CDK6: variants seen among roughly 807,000 people sequenced by gnomAD.
The protein encoded by CDK6 is cyclin-dependent kinase 6.
A neutral mutation model predicts 37.1 loss-of-function variants in CDK6; 6 were observed. The ratio of observed to expected loss-of-function variants is 0.16; its 90% CI spans 0.09 to 0.32. The LOEUF (loss-of-function observed/expected upper bound fraction) is 0.32, where lower values mean the gene tolerates loss of function less well. Among genes scored for constraint, CDK6 ranks in the 10% least tolerant of loss-of-function variants. The pLI is 1.00. For synonymous variants in CDK6, 160 were observed against 161.3 expected (o/e 0.99, Z 0.06); for missense variants, 224 against 418.9 (o/e 0.53, Z 4.06).
At chr7:92,826,658 A>G (rs1584125757) in intron 2 of CDK6, among the ~76,000 whole-genome samples, 1 of 152,292 alleles carries the variant, frequency 6.6e-6, no homozygotes, top group East Asian at 1.9e-4. Context: ...ATTGAAGATA[A>G]AAAATGCATA....
chr7:92,741,889 T>C (rs1798933374), intron 3 of CDK6, among the ~76,000 whole-genome samples: 1 of 152,158 alleles, frequency 6.6e-6, no homozygotes, highest in African/African-American at 2.4e-5. Flanking sequence ...TAAGTACAAG[T>C]TATTCAGGGT....
Position 92,833,177 on chromosome 7 carries a change from G to A in CDK6, c.147C>T (p.Thr49=), listed in dbSNP as rs772625969. The A allele has an allele frequency of 3.7e-6, 6 of 1,609,112 alleles. No homozygotes were observed. Among genetic ancestry groups the A allele is most frequent in the South Asian group, 2.2e-5 (2 of 89,944 alleles). The part of the protein sequence containing the change: ...FVALKRVRVQ[T]GEEGMPLSTI... Reference sequence around the variant, plus strand: ...TGGAGAGCGGCATGCCCTCCTCGCCGGTCTGCACCCGCACGCGCTTCAACG... The same window carrying A: ...TGGAGAGCGGCATGCCCTCCTCGCCAGTCTGCACCCGCACGCGCTTCAACG... Residue 49 remains threonine (T), a synonymous_variant, in exon 2 of 8, where the codon ACC becomes ACT. Coordinates refer to ENST00000424848, the MANE Select transcript of CDK6 (RefSeq NM_001145306.2). This position sits in a 1 kb window ranked among gnomAD's most constrained non-coding sequence, Gnocchi z 6.1.
In CDK6 at chr7:92,784,175, C is replaced by T. The variant is rs544950887; in HGVS notation, c.234-9344G>A. Among the ~76,000 whole-genome samples the T allele has an allele frequency of 1.6e-4, 24 of 152,260 alleles. 1 individual carries two copies. In the Middle Eastern group the frequency reaches 0.01, roughly 65 times the overall value. On this transcript the variant is annotated intron_variant, in intron 2 of 7. Coordinates refer to ENST00000424848, the MANE Select transcript of CDK6 (RefSeq NM_001145306.2). ...AGAGAATGGTAGCAGGGGCAAAATC[C>T]TACTTGGAATTAAGTGAACTCCAAG...
At chr7:92,820,892 C>G (rs1801155195) in intron 2 of CDK6, among the ~76,000 whole-genome samples, 1 of 147,794 alleles carries the variant, frequency 6.8e-6, no homozygotes, top group South Asian at 2.3e-4. Flanking sequence ...TATCTGAGAA[C>G]TGGGGCAGGA....
rs142579283 is a variant in CDK6 at position 92,814,708 on chromosome 7, G to A, written c.233+18383C>T. ...AATAAACCCATAATTACAAAAGGGCGTCCCACATACACAAAAAGGAGAGAA... is the reference window on the plus strand; with the variant it reads ...AATAAACCCATAATTACAAAAGGGCATCCCACATACACAAAAAGGAGAGAA... On this transcript the variant is annotated intron_variant, in intron 2 of 7. Transcript: ENST00000424848. 5.2e-3 allele frequency among the ~76,000 whole-genome samples: 797 copies of A among 151,942 alleles called. 3 individuals are homozygous for A. Among genetic ancestry groups the A allele is most frequent in the African/African-American group, 0.018 (736 of 41,454 alleles).
intron 3 of CDK6, among the ~76,000 whole-genome samples, chr7:92,751,528 A>AT (rs1799187482): frequency 6.6e-6 from 1 of 152,220 alleles, no homozygotes; most frequent in Non-Finnish European, 1.5e-5. Flanking sequence ...ACAGGTAACA[A>AT]TTAACAGAGA....
At chr7:92,797,938 G>A (rs1286347718) in intron 2 of CDK6, among the ~76,000 whole-genome samples, 1 of 152,204 alleles carries the variant, frequency 6.6e-6, no homozygotes, top group African/African-American at 2.4e-5. Context: ...AGGTGCTCCA[G>A]TGAGCAAAAC....
At chr7:92,657,009 T>C (rs1048831442) in intron 5 of CDK6, among the ~76,000 whole-genome samples, 7 of 152,074 alleles carry the variant, frequency 4.6e-5, no homozygotes, top group Non-Finnish European at 7.4e-5. Flanking sequence ...TGACTGTCCA[T>C]AAAAATGCAC....
intron 5 of CDK6, among the ~76,000 whole-genome samples, chr7:92,670,515 G>GA (rs1002501014): frequency 3.3e-5 from 5 of 151,842 alleles, no homozygotes; most frequent in East Asian, 1.9e-4. Flanking sequence ...AAATAGAAAA[G>GA]AAAAAAAAGA....
At chr7:92,704,137 T>C (rs1274658471) in intron 4 of CDK6, among the ~76,000 whole-genome samples, 1 of 152,154 alleles carries the variant, frequency 6.6e-6, no homozygotes, top group African/African-American at 2.4e-5. Context: ...CTAAAATAGA[T>C]TCCCGGTGTA....
intron 2 of CDK6, among the ~76,000 whole-genome samples, chr7:92,777,698 T>C (rs975678263): frequency 1.3e-5 from 2 of 152,232 alleles, no homozygotes; most frequent in African/African-American, 4.8e-5. Flanking sequence ...TTGCTTAGGA[T>C]TGTCTTGGCT....
At chr7:92,817,457 T>C (rs1801059137) in intron 2 of CDK6, among the ~76,000 whole-genome samples, 1 of 151,812 alleles carries the variant, frequency 6.6e-6, no homozygotes, top group Non-Finnish European at 1.5e-5. Context: ...TACCCAATCA[T>C]GAAAAACTCT....
At chr7:92,686,806 T>C (rs1056154601) in intron 4 of CDK6, among the ~76,000 whole-genome samples, 1 of 152,192 alleles carries the variant, frequency 6.6e-6, no homozygotes, top group Non-Finnish European at 1.5e-5. Flanking sequence ...TTTTTTATTA[T>C]GGCCATTCTT....
intron 2 of CDK6, among the ~76,000 whole-genome samples, chr7:92,832,490 T>C (rs1801514491): frequency 6.6e-6 from 1 of 152,242 alleles, no homozygotes; most frequent in South Asian, 2.1e-4. Flanking sequence ...TGTTTGAGAT[T>C]GGGCATCAGC....
intron 5 of CDK6, among the ~76,000 whole-genome samples, chr7:92,636,472 C>A (rs759807941): frequency 3.3e-5 from 5 of 152,074 alleles, no homozygotes; most frequent in Admixed American, 6.6e-5. Context: ...TATATAAGAT[C>A]CATTTGCATT....
chr7:92,813,465 A>G (rs1281432989), intron 2 of CDK6, among the ~76,000 whole-genome samples: 1 of 152,228 alleles, frequency 6.6e-6, no homozygotes, highest in Non-Finnish European at 1.5e-5. Flanking sequence ...AAACGTTCTC[A>G]GTCTAGAAAT....
At chr7:92,778,306 T>C (rs1428231326) in intron 2 of CDK6, among the ~76,000 whole-genome samples, 4 of 152,178 alleles carry the variant, frequency 2.6e-5, no homozygotes, top group African/African-American at 7.2e-5. Flanking sequence ...TTTCCTCACA[T>C]TTATCTACTT....
At chr7:92,651,816 G>T (rs1000304342) in intron 5 of CDK6, among the ~76,000 whole-genome samples, 3 of 151,780 alleles carry the variant, frequency 2.0e-5, no homozygotes, top group Non-Finnish European at 4.4e-5. Flanking sequence ...TCTAGTGGTG[G>T]AATCTTAGGG....
At chr7:92,711,267 A>C (rs983092880) in intron 4 of CDK6, among the ~76,000 whole-genome samples, 3 of 152,196 alleles carry the variant, frequency 2.0e-5, no homozygotes, top group African/African-American at 7.2e-5. Flanking sequence ...AGTGAAAGTA[A>C]GAAAAAGAAT....
Sources: allele counts gnomAD v4.1 joint callset (sites outside exome capture counted in the v4.1 genomes callset), GRCh38; gene constraint gnomAD v4.1.1; non-coding constraint Gnocchi (gnomAD v3.1); transcripts MANE v1.5; gene names NCBI Gene and HGNC (gene_info 2026-07-23, HGNC 2026-07-21).